Variants in SEM1 observed in about 807,000 individuals in gnomAD.
SEM1 encodes SEM1 26S proteasome subunit.
A neutral mutation model predicts 12.7 loss-of-function variants in SEM1; 3 were observed. The ratio of observed to expected loss-of-function variants is 0.24; its 90% CI spans 0.11 to 0.61. The LOEUF is 0.61. Ranked by LOEUF, SEM1 falls within the 20% of genes least tolerant of loss-of-function variation. The pLI is 0.88. For missense variants in SEM1, 59 were observed against 81.3 expected (o/e 0.73, Z 1.06); for synonymous variants, 30 against 27.8 (o/e 1.08, Z -0.25).
Position 96,631,096 on chromosome 7 carries a change from G to T in SEM1, c.171-8453C>A, listed in dbSNP as rs548800638. Among the ~76,000 whole-genome samples, 31 of 152,288 alleles carry T rather than the reference G, an allele frequency of 2.0e-4. No homozygotes were observed. In the South Asian group the frequency reaches 6.0e-3, roughly 30 times the overall value. On this transcript the variant is annotated intron_variant, in intron 2 of 2. Transcript: ENST00000417009. Reference sequence around the variant, plus strand: ...TGGAGCCACAAGCTGTGCAGCCTGGGGTTAGGGGAATGGTGATGCCAGCAC... The same window carrying T: ...TGGAGCCACAAGCTGTGCAGCCTGGTGTTAGGGGAATGGTGATGCCAGCAC...
At chr7:96,510,371 T>C (rs1227496586) in intron 2 of SEM1, among the ~76,000 whole-genome samples, 1 of 152,166 alleles carries the variant, frequency 6.6e-6, no homozygotes, top group African/African-American at 2.4e-5. Context: ...ATTAACTTAT[T>C]GCTCTTAGGC....
At chr7:96,563,274 T>A (rs1805744821) in intron 2 of SEM1, among the ~76,000 whole-genome samples, 1 of 152,106 alleles carries the variant, frequency 6.6e-6, no homozygotes, top group South Asian at 2.1e-4. Flanking sequence ...ATATTCTGAT[T>A]GCTTCTATTT....
At chr7:96,703,648 ATT>A (rs66849008) in intron 1 of SEM1, among the ~76,000 whole-genome samples, 12 of 147,522 alleles carry the variant, frequency 8.1e-5, no homozygotes, top group South Asian at 4.3e-4. Flanking sequence ...AGCATATTCC[ATT>A]TTTTTTTTTT....
chr7:96,539,740 G>A (rs1159068977), intron 2 of SEM1, among the ~76,000 whole-genome samples: 3 of 151,734 alleles, frequency 2.0e-5, no homozygotes. Flanking sequence ...TGCAACCTCA[G>A]CACTCAGACC....
intron 2 of SEM1, chr7:96,622,762 C>A: frequency 1.5e-6 from 1 of 647,632 alleles, no homozygotes; most frequent in South Asian, 1.8e-5. Context: ...CTTAATACCA[C>A]TGTGCTAGTC....
chr7:96,553,391 C>A (rs1402166568), intron 2 of SEM1, among the ~76,000 whole-genome samples: 1 of 150,052 alleles, frequency 6.7e-6, no homozygotes, highest in Non-Finnish European at 1.5e-5. Flanking sequence ...AGGAAGGGAT[C>A]CAGTTTCAGC....
At chr7:96,510,228 A>G (rs1803894683) in intron 2 of SEM1, among the ~76,000 whole-genome samples, 1 of 152,152 alleles carries the variant, frequency 6.6e-6, no homozygotes, top group South Asian at 2.1e-4. Context: ...CCTTTGAAGT[A>G]CAGTCATGTA....
intron 2 of SEM1, among the ~76,000 whole-genome samples, chr7:96,678,659 A>G (rs6955994): frequency 0.33 from 50,394 of 151,964 alleles, 9,828 homozygotes; most frequent in African/African-American, 0.55. Context: ...CTTTCCCACA[A>G]TTTCCTGGGA....
At chr7:96,689,212 A>T (rs909409026) in intron 2 of SEM1, among the ~76,000 whole-genome samples, 2 of 152,072 alleles carry the variant, frequency 1.3e-5, no homozygotes, top group Non-Finnish European at 2.9e-5. Context: ...TTTTCTTATA[A>T]GTCTATTTGT....
intron 2 of SEM1, among the ~76,000 whole-genome samples, chr7:96,545,188 A>G (rs1275725279): frequency 2.6e-5 from 4 of 151,966 alleles, no homozygotes; most frequent in Non-Finnish European, 4.4e-5. Context: ...ATCCCAAAGA[A>G]AATCTGACTC....
chr7:96,700,711 C>T (rs1235672546), intron 1 of SEM1, among the ~76,000 whole-genome samples: 2 of 152,152 alleles, frequency 1.3e-5, no homozygotes, highest in Non-Finnish European at 2.9e-5. Context: ...ACTTAAACCA[C>T]AATTGCTTAC....
chr7:96,610,996 C>A (rs1194721050), intron 2 of SEM1, among the ~76,000 whole-genome samples: 1 of 152,160 alleles, frequency 6.6e-6, no homozygotes, highest in Non-Finnish European at 1.5e-5. Context: ...TGTCTTAATT[C>A]CCCCGACCCC....
At chr7:96,552,248 A>T (rs1287599427) in intron 2 of SEM1, among the ~76,000 whole-genome samples, 1 of 151,900 alleles carries the variant, frequency 6.6e-6, no homozygotes, top group Non-Finnish European at 1.5e-5. Context: ...TGTGCAGGTT[A>T]GTTACATATG....
intron 2 of SEM1, among the ~76,000 whole-genome samples, chr7:96,580,044 G>T (rs1015682200): frequency 6.7e-6 from 1 of 149,976 alleles, no homozygotes; most frequent in African/African-American, 2.4e-5. Flanking sequence ...ATGTATACAT[G>T]TGCCATGCTG....
At chr7:96,590,943 A>G (rs1430386355) in intron 2 of SEM1, among the ~76,000 whole-genome samples, 2 of 152,210 alleles carry the variant, frequency 1.3e-5, no homozygotes, top group East Asian at 3.8e-4. Flanking sequence ...GCCAGTGGTG[A>G]AAAGTAACAC....
downstream of SEM1, chr7:96,673,274 CCTGG>C (rs1789368764): frequency 6.4e-6 from 1 of 155,084 alleles, no homozygotes. Context: ...CACCACCATG[CCTGG>C]CTAATTTTTA....
intron 2 of SEM1, among the ~76,000 whole-genome samples, chr7:96,541,352 G>A (rs1347761206): frequency 1.4e-5 from 2 of 148,044 alleles, no homozygotes; most frequent in Non-Finnish European, 3.0e-5. Flanking sequence ...GATGCTGAAC[G>A]TTTTTTATAT....
chr7:96,703,762 A>G (rs968943245), intron 1 of SEM1, among the ~76,000 whole-genome samples: 1 of 152,162 alleles, frequency 6.6e-6, no homozygotes, highest in African/African-American at 2.4e-5. Context: ...CCTGGGCAAC[A>G]TAACGAGACC....
chr7:96,630,777 C>T (rs919385563), intron 2 of SEM1, among the ~76,000 whole-genome samples: 2 of 152,200 alleles, frequency 1.3e-5, no homozygotes, highest in Non-Finnish European at 2.9e-5. Flanking sequence ...GAGGCTCACC[C>T]AAGGCCCTTG....
Sources: gnomAD v4.1 joint callset for allele counts (sites outside exome capture counted in the v4.1 genomes callset) on GRCh38, gnomAD v4.1.1 for gene constraint, MANE v1.5 for transcripts, NCBI Gene and HGNC (gene_info 2026-07-23, HGNC 2026-07-21) for gene names.